Variants in NEO1 observed in about 807,000 individuals in gnomAD.
NEO1 encodes the protein neogenin.
Under a neutral mutation model 159.7 loss-of-function variants are expected in NEO1, and 63 were observed. That is an observed-to-expected ratio of 0.39 (90% CI 0.32 to 0.49). The LOEUF (loss-of-function observed/expected upper bound fraction) is 0.49. Among genes scored for constraint, NEO1 ranks in the 20% least tolerant of loss-of-function variants. The probability of loss-of-function intolerance (pLI) is 0.85; values close to 1 mark genes in which losing one functional copy is unlikely to be tolerated. For synonymous variants in NEO1, 633 were observed against 662.0 expected (o/e 0.96, Z 0.67); for missense variants, 1,615 against 1,831.0 (o/e 0.88, Z 2.15).
chr15:73,151,120 A>G (rs1169872665), intron 5 of NEO1, among the ~76,000 whole-genome samples: 1 of 152,210 alleles, frequency 6.6e-6, no homozygotes, highest in African/African-American at 2.4e-5. Context: ...TAGTGGTGTC[A>G]GTCATTTTAA....
intron 5 of NEO1, among the ~76,000 whole-genome samples, chr15:73,138,467 G>C (rs752960563): frequency 6.6e-5 from 10 of 152,158 alleles, no homozygotes; most frequent in African/African-American, 9.6e-5. Flanking sequence ...TAAAACAAAG[G>C]GGGAGTTGGC....
At position 73,302,815 on chromosome 15, in the gene NEO1, C is replaced by T. The variant is rs1027025115; in HGVS notation, c.*119C>T. 28 of 895,794 alleles carry T rather than the reference C, an allele frequency of 3.1e-5. 1 individual carries two copies. In the Admixed American group the frequency reaches 5.4e-4, roughly 17 times the overall value. The allele number at this position is 895,794 out of a possible 1,614,324, so 55.5% of individuals were successfully genotyped here. A position where few individuals can be genotyped will look rare whatever the true frequency, so the allele number is the denominator to read the frequency against. On this transcript the variant is annotated 3_prime_UTR_variant, in exon 29 of 29. Transcript: ENST00000261908. ...CACTTGAGAACACAGAATGAGCCAGCAGACTGGCCAGCGCCTCTGTGTAGG... is the reference window on the plus strand; with the variant it reads ...CACTTGAGAACACAGAATGAGCCAGTAGACTGGCCAGCGCCTCTGTGTAGG...
At chr15:73,122,359 A>G (rs1179299782) in intron 2 of NEO1, among the ~76,000 whole-genome samples, 166 bp from the exon 3 acceptor site, 2 of 151,634 alleles carry the variant, frequency 1.3e-5, no homozygotes, top group Admixed American at 1.3e-4. Context: ...GCATTTACTT[A>G]TTTGCCCAGT....
At position 73,228,550 on chromosome 15, in the gene NEO1, TTTG is replaced by T. The variant is rs906681653; in HGVS notation, c.1292-7782_1292-7780del. On this transcript the variant is annotated intron_variant, in intron 7 of 28. Coordinates refer to ENST00000261908, the MANE Select transcript of NEO1 (RefSeq NM_002499.4). ...TCATTTACTTAGTTTTGGGTTGTTT[TTTG>T]TTGTTGTTGTTGTTTTTGTTTTGTT... Among the ~76,000 whole-genome samples the T allele has an allele frequency of 2.8e-4, 42 of 152,084 alleles. No individual in the cohort carries two copies. In the East Asian group the frequency reaches 4.4e-3, roughly 16 times the overall value.
chr15:73,208,434 C>G (rs1050899638), intron 7 of NEO1, among the ~76,000 whole-genome samples: 20 of 152,222 alleles, frequency 1.3e-4, no homozygotes, highest in African/African-American at 4.6e-4. Context: ...GGTATTCTTT[C>G]TCACAAGACA....
At position 73,087,657 on chromosome 15, in the gene NEO1, AT is replaced by A. The variant is rs200805691; in HGVS notation, c.131-28882del. Among the ~76,000 whole-genome samples the A allele has an allele frequency of 8.6e-3, 1,312 of 152,304 alleles. 22 individuals carry two copies. Among genetic ancestry groups the A allele is most frequent in the African/African-American group, 0.03 (1,237 of 41,578 alleles). ...AGATAAATTTACTTTCATAATCAGA[AT>A]AATGTAATTGTAGAAACTTAAACTA... On this transcript the variant is annotated intron_variant, in intron 1 of 28. Transcript: ENST00000261908.
intron 1 of NEO1, among the ~76,000 whole-genome samples, chr15:73,100,916 T>C (rs375705289): frequency 9.9e-5 from 15 of 152,270 alleles, no homozygotes; most frequent in African/African-American, 3.1e-4. Flanking sequence ...CCTTCTCTCA[T>C]CATCAGCAGA....
intron 23 of NEO1, among the ~76,000 whole-genome samples, chr15:73,285,459 A>T (rs2041907083): frequency 6.6e-6 from 1 of 152,316 alleles, no homozygotes; most frequent in African/African-American, 2.4e-5. Flanking sequence ...GGCACGTCCT[A>T]CAGATTTGGG....
intron 1 of NEO1, among the ~76,000 whole-genome samples, chr15:73,081,953 G>A (rs1210890897): frequency 1.4e-5 from 2 of 147,150 alleles, no homozygotes; most frequent in Admixed American, 7.0e-5. Context: ...TGCAACCTCC[G>A]CACTCCCTGC....
chr15:73,111,361 G>A (rs1022840291), intron 1 of NEO1, among the ~76,000 whole-genome samples: 3 of 152,046 alleles, frequency 2.0e-5, no homozygotes, highest in Admixed American at 1.3e-4. Context: ...TTCCTCTCCT[G>A]TGCAGACGAT....
chr15:73,203,439 T>C (rs1223123559), intron 7 of NEO1, among the ~76,000 whole-genome samples: 1 of 152,150 alleles, frequency 6.6e-6, no homozygotes, highest in African/African-American at 2.4e-5. Context: ...ACTTAATAGG[T>C]ATATTTAGGC....
intron 1 of NEO1, among the ~76,000 whole-genome samples, chr15:73,061,699 C>G (rs760399006): frequency 3.9e-5 from 6 of 152,148 alleles, no homozygotes; most frequent in Non-Finnish European, 5.9e-5. Flanking sequence ...TACACTCCAA[C>G]CCTTCTTCCC....
At chr15:73,075,042 A>G (rs1486939015) in intron 1 of NEO1, among the ~76,000 whole-genome samples, 1 of 152,236 alleles carries the variant, frequency 6.6e-6, no homozygotes, top group Non-Finnish European at 1.5e-5. Context: ...CATAGGAGGA[A>G]TCATTTAATT....
chr15:73,286,254 C>G (rs2041943743), intron 23 of NEO1, among the ~76,000 whole-genome samples: 1 of 152,158 alleles, frequency 6.6e-6, no homozygotes, highest in African/African-American at 2.4e-5. Context: ...GTGGAGGTCA[C>G]CAGCGACCTG....
intron 23 of NEO1, among the ~76,000 whole-genome samples, chr15:73,286,617 C>T (rs929693788): frequency 6.6e-6 from 1 of 152,228 alleles, no homozygotes; most frequent in African/African-American, 2.4e-5. Context: ...GCCTCTTCTA[C>T]ATTTCCTCTT....
At chr15:73,301,502 T>C (rs1036257941) in intron 28 of NEO1, 45 bp downstream of exon 28, 2 of 1,613,064 alleles carry the variant, frequency 1.2e-6, no homozygotes, top group Non-Finnish European at 8.5e-7. Context: ...CCTGGGAACA[T>C]GCCCCAGGGC....
rs554304098 is a variant in NEO1, at chr15:73,279,390, C to A, written c.3262+1191C>A. On this transcript the variant is annotated intron_variant, in intron 22 of 28. Transcript: ENST00000261908. Reference sequence around the variant, plus strand: ...TTGAGATGGAATCTCGCTCTGTCACCCAGGCTGGAGTGCAGTGGCATGATC... The same window carrying A: ...TTGAGATGGAATCTCGCTCTGTCACACAGGCTGGAGTGCAGTGGCATGATC... Among the ~76,000 whole-genome samples the A allele has an allele frequency of 1.6e-4, 22 of 139,626 alleles. No homozygotes were observed. In the East Asian group the frequency reaches 4.6e-3, roughly 29 times the overall value. 91.6% of individuals were successfully genotyped at this position (139,626 alleles called of 152,430 possible).
At chr15:73,285,042 G>A (rs553727166) in intron 23 of NEO1, among the ~76,000 whole-genome samples, 3 of 152,078 alleles carry the variant, frequency 2.0e-5, no homozygotes, top group Admixed American at 1.3e-4. Flanking sequence ...GAAATATTGG[G>A]ATCTTTATTT....
chr15:73,226,330 G>A (rs1441113083), intron 7 of NEO1, among the ~76,000 whole-genome samples: 2 of 152,192 alleles, frequency 1.3e-5, no homozygotes, highest in Non-Finnish European at 2.9e-5. Flanking sequence ...TCTCCCGTCT[G>A]CCATGGTGAT....
Sources: gnomAD v4.1 joint callset for allele counts (sites outside exome capture counted in the v4.1 genomes callset) on GRCh38, gnomAD v4.1.1 for gene constraint, MANE v1.5 for transcripts, NCBI Gene and HGNC (gene_info 2026-07-23, HGNC 2026-07-21) for gene names.